The following SIM1 variants were observed in gnomAD, a reference collection of about 807,000 sequenced individuals.
SIM1 encodes the protein single-minded homolog 1.
In SIM1, 18 loss-of-function variants were observed where a neutral mutation model predicts 78.2. The observed-to-expected ratio is 0.23, with a 90% CI of 0.16 to 0.34. SIM1 has a LOEUF of 0.34. SIM1 is among the 10% of genes least tolerant of loss of function. The pLI is 1.00. For missense variants in SIM1, 939 were observed against 975.1 expected, an observed-to-expected ratio of 0.96 and a Z score of 0.49; for synonymous variants, 417 against 385.2, an observed-to-expected ratio of 1.08 and a Z score of -0.97.
At chr6:100,418,780 C>T (rs1771480284) in intron 10 of SIM1, among the ~76,000 whole-genome samples, 1 of 152,074 alleles carries the variant, frequency 6.6e-6, no homozygotes, top group East Asian at 1.9e-4. Context: ...AGCCATAATC[C>T]ATCTTTCCAA....
intron 2 of SIM1, among the ~76,000 whole-genome samples, chr6:100,461,647 A>C (rs1366230274): frequency 6.6e-6 from 1 of 152,192 alleles, no homozygotes; most frequent in Non-Finnish European, 1.5e-5. Context: ...CGGCCAGCGG[A>C]GTTCGCAATA....
chr6:100,408,121 A>G (rs1771096931), intron 10 of SIM1, among the ~76,000 whole-genome samples: 1 of 151,982 alleles, frequency 6.6e-6, no homozygotes, highest in Non-Finnish European at 1.5e-5. Context: ...CAGGCCTTAC[A>G]TTTAGGTTTT....
chr6:100,449,793 A>G, intron 4 of SIM1, 94 bp from the exon 5 acceptor site: 1 of 1,015,778 alleles, frequency 9.8e-7, no homozygotes, highest in Admixed American at 1.9e-5. Context: ...GACCATGAGG[A>G]CAGCAGCCAG....
At chr6:100,401,843 T>A (rs1770923254) in intron 10 of SIM1, among the ~76,000 whole-genome samples, 1 of 152,200 alleles carries the variant, frequency 6.6e-6, no homozygotes, top group South Asian at 2.1e-4. Flanking sequence ...TTAATAAAGC[T>A]ATAATTTAAT....
chr6:100,390,425 C>T lies in SIM1; in HGVS notation c.2237G>A (p.Arg746Lys). The T allele has an allele frequency of 6.2e-7, 1 of 1,614,112 alleles. No homozygotes were observed. The highest frequency in any genetic ancestry group is 1.1e-5 in the South Asian group (1 of 91,076). ...TCCTTGTGCTGGGTCTGGTTGCATC[C>T]TCAGATGGGAAGTTACATCAAAGTG... ...GSHFDVTSHL[R>K]MQPDPAQGHK... The change falls in exon 12 of 12, where the codon AGG becomes AAG. Residue 746 changes from arginine to lysine, a missense_variant. By Grantham distance (26) the Arg-to-Lys change is conservative. Coordinates refer to ENST00000369208, the MANE Select transcript of SIM1 (RefSeq NM_005068.3).
intron 2 of SIM1, among the ~76,000 whole-genome samples, chr6:100,461,186 T>C (rs977624634): frequency 3.3e-5 from 5 of 152,218 alleles, no homozygotes; most frequent in Admixed American, 1.3e-4. Flanking sequence ...ATTGGCGCTC[T>C]CTTTAAAAAT....
At chr6:100,450,389 C>A (rs778741567) in intron 3 of SIM1, 33 bp from the exon 4 acceptor site, 7 of 1,587,012 alleles carry the variant, frequency 4.4e-6, no homozygotes, top group Admixed American at 1.7e-5. Context: ...AATAGAGAGC[C>A]CTCTGGGCCA....
rs74549111 is a variant in SIM1, at chr6:100,419,384, C to T, written c.1167+1406G>A. On this transcript the variant is annotated intron_variant, in intron 10 of 11. Coordinates refer to ENST00000369208, the MANE Select transcript of SIM1 (RefSeq NM_005068.3). ...TCTTAGAGGCAGAGACCATGTTGTG[C>T]TCATCTTCATACAACAAGCCACTAA... 8.0e-3 allele frequency among the ~76,000 whole-genome samples: 1,219 copies of T among 152,208 alleles called. 16 individuals carry two copies. Among genetic ancestry groups the T allele is most frequent in the African/African-American group, 0.028 (1,164 of 41,508 alleles).
intron 10 of SIM1, among the ~76,000 whole-genome samples, chr6:100,412,712 AAAGAAAG>A (rs902683658): frequency 1.5e-5 from 2 of 137,706 alleles, no homozygotes; most frequent in African/African-American, 5.7e-5. Context: ...AGAAAGAAAG[AAAGAAAG>A]AAAGAAAGAA....
At chr6:100,442,432 T>A (rs185981482) in intron 9 of SIM1, among the ~76,000 whole-genome samples, 54 of 152,246 alleles carry the variant, frequency 3.5e-4, no homozygotes, top group Non-Finnish European at 7.5e-4. Flanking sequence ...TGAAAGATCA[T>A]CTGAAAAGAA....
At chr6:100,456,131 T>C (rs1360969679) in intron 2 of SIM1, among the ~76,000 whole-genome samples, 1 of 151,756 alleles carries the variant, frequency 6.6e-6, no homozygotes, top group Non-Finnish European at 1.5e-5. Flanking sequence ...CTTACGATTG[T>C]GTCTGGGTTA....
chr6:100,402,474 G>A (rs970704886), intron 10 of SIM1, among the ~76,000 whole-genome samples: 40 of 151,960 alleles, frequency 2.6e-4, no homozygotes, highest in African/African-American at 9.4e-4. Context: ...AGAGTGGCGA[G>A]GAGGGAGAAT....
chr6:100,431,611 C>G (rs1349417573), intron 9 of SIM1, among the ~76,000 whole-genome samples: 1 of 152,158 alleles, frequency 6.6e-6, no homozygotes, highest in Non-Finnish European at 1.5e-5. Flanking sequence ...GGATTGCCCA[C>G]TAAAACACCA....
In SIM1 at chr6:100,393,665, G is replaced by C; in HGVS notation, c.1392C>G (p.Thr464=). 1 of 1,614,084 alleles carries C rather than the reference G, an allele frequency of 6.2e-7. No individual in the cohort carries two copies. The highest frequency in any genetic ancestry group is 8.5e-7 in the Non-Finnish European group (1 of 1,179,926). Residue 464 remains threonine, a synonymous_variant, in exon 11 of 12, where the codon ACC becomes ACG. Coordinates refer to ENST00000369208, the MANE Select transcript of SIM1 (RefSeq NM_005068.3). The part of the protein sequence containing the change: ...SRLVEERHFH[T]QACEGGRCEA... Reference sequence around the variant, plus strand: ...CACATCGGCCTCCTTCACAGGCCTGGGTATGGAAATGCCTCTCTTCCACCA... The same window carrying C: ...CACATCGGCCTCCTTCACAGGCCTGCGTATGGAAATGCCTCTCTTCCACCA...
chr6:100,411,517 A>C (rs1771190526), intron 10 of SIM1, among the ~76,000 whole-genome samples: 1 of 152,190 alleles, frequency 6.6e-6, no homozygotes, highest in South Asian at 2.1e-4. Context: ...GACGTTATAC[A>C]TTTCTTAGCA....
chr6:100,460,628 A>C (rs1437529831), intron 2 of SIM1, among the ~76,000 whole-genome samples: 5 of 152,194 alleles, frequency 3.3e-5, no homozygotes, highest in Admixed American at 6.5e-5. Flanking sequence ...AACAAATTCC[A>C]TTTAACGCCA....
At chr6:100,448,720 G>C in intron 6 of SIM1, 42 bp from the exon 7 acceptor site, 7 of 1,568,588 alleles carry the variant, frequency 4.5e-6, no homozygotes, top group Non-Finnish European at 6.1e-6. Context: ...CCACAGGTAG[G>C]AAGAGCCCCC....
chr6:100,423,854 A>G (rs537286828), intron 9 of SIM1, among the ~76,000 whole-genome samples: 1 of 152,284 alleles, frequency 6.6e-6, no homozygotes, highest in East Asian at 1.9e-4. Context: ...TGTCAAATGC[A>G]CTTCCGTTCA....
At chr6:100,441,179 G>C (rs891737385) in intron 9 of SIM1, among the ~76,000 whole-genome samples, 3 of 152,180 alleles carry the variant, frequency 2.0e-5, no homozygotes, top group Non-Finnish European at 4.4e-5. Flanking sequence ...ATGAATCAGT[G>C]TCCTTCAGGT....
Sources: gnomAD v4.1 joint callset for allele counts (sites outside exome capture counted in the v4.1 genomes callset) on GRCh38, gnomAD v4.1.1 for gene constraint, MANE v1.5 for transcripts, NCBI Gene and HGNC (gene_info 2026-07-23, HGNC 2026-07-21) for gene names.